Variants in GSE1 observed in about 807,000 individuals in gnomAD.
GSE1 encodes genetic suppressor element 1.
Under a neutral mutation model 112.6 loss-of-function variants are expected in GSE1, and 32 were observed. That is an observed-to-expected ratio of 0.28 (90% confidence interval 0.21 to 0.38). GSE1 has a LOEUF of 0.38. Ranked by LOEUF, GSE1 falls within the 10% of genes least tolerant of loss-of-function variation. The probability of loss-of-function intolerance (pLI) is 1.00; values close to 1 mark genes in which losing one functional copy is unlikely to be tolerated. For synonymous variants in GSE1, 1,115 were observed against 735.6 expected, an observed-to-expected ratio of 1.52 and a Z score of -8.35; for missense variants, 2,348 against 1,699.2, an observed-to-expected ratio of 1.38 and a Z score of -6.71.
chr16:85,590,091 G>C (rs1229288658), intron 1 of GSE1, among the ~76,000 whole-genome samples: 1 of 152,022 alleles, frequency 6.6e-6, no homozygotes, highest in African/African-American at 2.4e-5. Flanking sequence ...GTGTGTGTGA[G>C]GCGTGTGATT....
intron 2 of GSE1, among the ~76,000 whole-genome samples, chr16:85,376,910 C>CGCACACA (rs2047433475): frequency 6.6e-6 from 1 of 152,152 alleles, no homozygotes; most frequent in Admixed American, 6.5e-5. Flanking sequence ...CACCGCACAC[C>CGCACACA]CGGCCCCGCG....
intron 1 of GSE1, among the ~76,000 whole-genome samples, chr16:85,235,955 C>T (rs1904599132): frequency 6.7e-6 from 1 of 148,182 alleles, no homozygotes; most frequent in Non-Finnish European, 1.5e-5. Context: ...CTGCAGCAGC[C>T]GGCGCCCCCT....
At chr16:85,380,313 G>C (rs1317425534) in intron 2 of GSE1, among the ~76,000 whole-genome samples, 1 of 152,184 alleles carries the variant, frequency 6.6e-6, no homozygotes, top group Non-Finnish European at 1.5e-5. Flanking sequence ...TCTTCTTGGA[G>C]GCAGAGGGAG....
chr16:85,265,785 G>C (rs943807917), intron 1 of GSE1, among the ~76,000 whole-genome samples: 1 of 152,254 alleles, frequency 6.6e-6, no homozygotes, highest in South Asian at 2.1e-4. Flanking sequence ...CCCATGCATC[G>C]CCGGGGTCCA....
intron 1 of GSE1, among the ~76,000 whole-genome samples, chr16:85,239,981 G>A (rs1905046059): frequency 6.6e-6 from 1 of 152,238 alleles, no homozygotes; most frequent in African/African-American, 2.4e-5. Context: ...AACTGTGTGC[G>A]CTTCACTGTA....
At chr16:85,246,296 CCCCACACGCTGTCT>C (rs1482822029) in intron 1 of GSE1, among the ~76,000 whole-genome samples, 13 of 129,874 alleles carry the variant, frequency 1.0e-4, no homozygotes, top group Non-Finnish European at 1.6e-4. Flanking sequence ...TCTACACACA[CCCCACACGCTGTCT>C]ACACACACAC....
At chr16:85,587,008 C>T (rs1356778389) in intron 1 of GSE1, among the ~76,000 whole-genome samples, 6 of 152,208 alleles carry the variant, frequency 3.9e-5, no homozygotes, top group African/African-American at 1.4e-4. Context: ...CTGTTCCTTG[C>T]TAGGCTCGCA....
intron 1 of GSE1, among the ~76,000 whole-genome samples, chr16:85,213,592 G>T (rs979078611): frequency 1.2e-4 from 19 of 152,360 alleles, no homozygotes; most frequent in South Asian, 8.3e-4. Flanking sequence ...ACGTGTCCGG[G>T]CTATGGCTCC....
chr16:85,240,778 C>T (rs1905106669), intron 1 of GSE1, among the ~76,000 whole-genome samples: 2 of 152,208 alleles, frequency 1.3e-5, no homozygotes, highest in Non-Finnish European at 2.9e-5. Flanking sequence ...AGGACTTCGT[C>T]TCTCTTGGCT....
intron 2 of GSE1, among the ~76,000 whole-genome samples, chr16:85,364,263 A>T (rs2047141121): frequency 6.6e-6 from 1 of 152,006 alleles, no homozygotes; most frequent in Admixed American, 6.6e-5. Flanking sequence ...TCCGGGTGGC[A>T]CCTCCTTCTC....
intron 1 of GSE1, among the ~76,000 whole-genome samples, chr16:85,566,396 C>T (rs1369507993): frequency 2.6e-5 from 4 of 152,220 alleles, no homozygotes; most frequent in Non-Finnish European, 4.4e-5. Flanking sequence ...AAAGAAGAAA[C>T]GGAATCGTCC....
At chr16:85,351,564 G>A (rs1567706393) in intron 1 of GSE1, among the ~76,000 whole-genome samples, 2 of 151,702 alleles carry the variant, frequency 1.3e-5, no homozygotes, top group African/African-American at 2.4e-5. Context: ...TCTTTTGGGG[G>A]TGATGAAAAT....
At chr16:85,195,685 G>C (rs905966375) in intron 1 of GSE1, among the ~76,000 whole-genome samples, 13 of 152,284 alleles carry the variant, frequency 8.5e-5, no homozygotes, top group African/African-American at 3.1e-4. Flanking sequence ...GCGTCTTGTG[G>C]TCGTCAAAAT....
chr16:85,171,545 C>T (rs1440475984), exon 1 of GSE1: 9 of 985,412 alleles, frequency 9.1e-6, no homozygotes, highest in Non-Finnish European at 2.4e-6. Context: ...AGCGCCTGGT[C>T]CCGGCAGTAC....
chr16:85,225,541 C>T (rs544390793), intron 1 of GSE1, among the ~76,000 whole-genome samples: 38 of 152,286 alleles, frequency 2.5e-4, no homozygotes, highest in African/African-American at 5.5e-4. Flanking sequence ...CAGCCTGATC[C>T]GCATGAACCC....
intron 2 of GSE1, among the ~76,000 whole-genome samples, chr16:85,413,036 G>A (rs1394597010): frequency 6.6e-6 from 1 of 152,218 alleles, no homozygotes; most frequent in Non-Finnish European, 1.5e-5. Flanking sequence ...GCTTCTGGAA[G>A]GTTCCGTGCT....
chr16:85,622,216 T>C (rs2048785978), intron 1 of GSE1, among the ~76,000 whole-genome samples: 1 of 152,214 alleles, frequency 6.6e-6, no homozygotes, highest in Non-Finnish European at 1.5e-5. Flanking sequence ...TGGGAGCTTT[T>C]CCTGGACAGC....
intron 1 of GSE1, among the ~76,000 whole-genome samples, chr16:85,212,238 T>G (rs1404279298): frequency 6.6e-6 from 1 of 152,090 alleles, no homozygotes; most frequent in East Asian, 1.9e-4. Flanking sequence ...AAACCCTGTC[T>G]CTACTAAAAA....
At chr16:85,588,460 C>A (rs971918732) in intron 1 of GSE1, among the ~76,000 whole-genome samples, 1 of 152,184 alleles carries the variant, frequency 6.6e-6, no homozygotes, top group African/African-American at 2.4e-5. Flanking sequence ...AAGAGCCCCC[C>A]ACATCTGGTC....
Sources: allele counts gnomAD v4.1 joint callset (sites outside exome capture counted in the v4.1 genomes callset), GRCh38; gene constraint gnomAD v4.1.1; transcripts MANE v1.5; gene names NCBI Gene and HGNC (gene_info 2026-07-23, HGNC 2026-07-21).